The following RCBTB2 variants were observed in gnomAD, a reference collection of about 807,000 sequenced individuals.
RCBTB2 encodes the protein RCC1 and BTB domain containing protein 2.
A neutral mutation model predicts 65.4 loss-of-function variants in RCBTB2; 55 were observed. The ratio of observed to expected loss-of-function variants is 0.84; its 90% CI spans 0.68 to 1.05. The LOEUF is 1.05. Ranked by LOEUF, RCBTB2 falls within the 50% of genes least tolerant of loss-of-function variation. The pLI, the probability that RCBTB2 is intolerant of heterozygous loss-of-function variation, is 0.00. For synonymous variants in RCBTB2, 220 were observed against 255.2 expected (o/e 0.86, Z 1.31); for missense variants, 599 against 680.1 (o/e 0.88, Z 1.33).
chr13:48,502,760 C>T lies in RCBTB2; in HGVS notation c.1081G>A (p.Ala361Thr). The change falls in exon 11 of 15, where the codon GCC (alanine) becomes ACC (threonine). Residue 361 changes from alanine (A) to threonine (T), a missense_variant. Transcript: ENST00000344532. ...SCTDDVFACF[A>T]TPAVTWRLLS... is the part of the protein sequence containing the mutation. ...AGGCGCCACGTGACGGCGGGCGTGG[C>T]AAAGCAGGCAAACACGTCGTCAGTG... 1 of 1,613,328 alleles carries T rather than the reference C, an allele frequency of 6.2e-7. No individual in the cohort carries two copies. Among genetic ancestry groups the T allele is most frequent in the Non-Finnish European group, 8.5e-7 (1 of 1,179,510 alleles).
intron 10 of RCBTB2, among the ~76,000 whole-genome samples, chr13:48,508,311 T>G (rs7984753): frequency 0.011 from 1,695 of 152,320 alleles, 24 homozygotes; most frequent in African/African-American, 0.039. Context: ...CGCCCGTGAT[T>G]GAGTGCCTGG....
rs1191872040 is a variant in RCBTB2 at position 48,511,806 on chromosome 13, G to A, written c.747C>T (p.Cys249=). ...LGNSGNQPTP[C]RVAALQGIRV... ...GGATGCCTTGCAAAGCTGCCACTCT[G>A]CAAGGGGTTGGCTGGTTGCCACTGT... Residue 249 remains cysteine (C), a synonymous_variant, in exon 9 of 15, where the codon TGC becomes TGT. Coordinates refer to ENST00000344532, the MANE Select transcript of RCBTB2 (RefSeq NM_001268.4). The A allele has an allele frequency of 1.2e-6, 2 of 1,614,060 alleles. No homozygotes were observed. The highest frequency in any genetic ancestry group is 2.7e-5 in the African/African-American group (2 of 74,918).
chr13:48,496,045 A>T (rs1949951296), intron 14 of RCBTB2, 146 bp downstream of exon 14: 1 of 611,078 alleles, frequency 1.6e-6, no homozygotes, highest in African/African-American at 1.9e-5. Context: ...ACTTGCTTAT[A>T]CGTTGTCTAG....
chr13:48,515,424 G>C, intron 5 of RCBTB2, 69 bp from the exon 6 acceptor site: 1 of 1,490,688 alleles, frequency 6.7e-7, no homozygotes, highest in South Asian at 1.2e-5. Flanking sequence ...CATCCAAACA[G>C]GAATCATCTT....
At chr13:48,512,277 C>A (rs554013845) in intron 7 of RCBTB2, 103 bp from the exon 8 acceptor site, 7 of 961,638 alleles carry the variant, frequency 7.3e-6, no homozygotes, top group Middle Eastern at 2.5e-4. Flanking sequence ...TCTCAAAGTG[C>A]TTCACATTCA....
At chr13:48,523,655 GAGAGA>G (rs367772205) in intron 2 of RCBTB2, among the ~76,000 whole-genome samples, 9 of 152,232 alleles carry the variant, frequency 5.9e-5, no homozygotes, top group African/African-American at 2.2e-4. Flanking sequence ...AAGAAAGAGG[GAGAGA>G]AGAGAAAAAA....
chr13:48,489,146 A>T lies in RCBTB2; in HGVS notation c.*965T>A, dbSNP rs1353901972. ...GGTAATTTGTTTTGATCTAAAAAGTACAAATTTATCTCATTCTTGTTAATG... is the reference window on the plus strand; with the variant it reads ...GGTAATTTGTTTTGATCTAAAAAGTTCAAATTTATCTCATTCTTGTTAATG... On this transcript the variant is annotated 3_prime_UTR_variant, in exon 15 of 15. Coordinates refer to ENST00000344532, the MANE Select transcript of RCBTB2 (RefSeq NM_001268.4). 1 of 152,230 alleles carries T rather than the reference A, an allele frequency of 6.6e-6. No homozygotes were observed. Among genetic ancestry groups the T allele is most frequent in the African/African-American group, 2.4e-5 (1 of 41,460 alleles). The allele number at this position is 152,230 out of a possible 1,614,324, so 9.4% of individuals were successfully genotyped here.
intron 10 of RCBTB2, among the ~76,000 whole-genome samples, chr13:48,509,161 TG>T (rs1238921828): frequency 6.6e-6 from 1 of 152,022 alleles, no homozygotes; most frequent in Admixed American, 6.6e-5. Flanking sequence ...ACCCTGGCCC[TG>T]CAAAAAACAC....
chr13:48,510,883 G>A lies in RCBTB2; in HGVS notation c.784-112C>T, dbSNP rs73479235. The A allele has an allele frequency of 1.0e-3, 1,059 of 1,054,174 alleles. 3 individuals are homozygous for A. In the African/African-American group the frequency reaches 0.015, roughly 15 times the overall value. 65.3% of individuals were successfully genotyped at this position (1,054,174 alleles called of 1,614,324 possible). ...AAAAAAAGGAAGAGGCAGCCTACCC[G>A]TAGGAGAGGCAAGCATTAAGTTAAC... On this transcript the variant is annotated intron_variant, in intron 9 of 14. Coordinates refer to ENST00000344532, the MANE Select transcript of RCBTB2 (RefSeq NM_001268.4).
intron 10 of RCBTB2, among the ~76,000 whole-genome samples, chr13:48,510,128 C>G: frequency 6.6e-6 from 1 of 152,182 alleles, no homozygotes; most frequent in East Asian, 1.9e-4. Flanking sequence ...AATTTCCTAA[C>G]CATTTTACTC....
At chr13:48,509,481 C>T (rs1186455814) in intron 10 of RCBTB2, among the ~76,000 whole-genome samples, 2 of 152,152 alleles carry the variant, frequency 1.3e-5, no homozygotes, top group Non-Finnish European at 2.9e-5. Context: ...TCAGGACTGT[C>T]CCTTCTCTTC....
chr13:48,527,317 G>T (rs1951797708), intron 1 of RCBTB2, among the ~76,000 whole-genome samples: 1 of 65,960 alleles, frequency 1.5e-5, no homozygotes, highest in Admixed American at 1.3e-4. Context: ...ATATGACTTG[G>T]CTCATATATA....
intron 6 of RCBTB2, among the ~76,000 whole-genome samples, 170 bp downstream of exon 6, chr13:48,515,035 A>G (rs1951005640): frequency 6.6e-6 from 1 of 152,226 alleles, no homozygotes; most frequent in African/African-American, 2.4e-5. Flanking sequence ...TGATTCCTAG[A>G]TTCCATCTGC....
chr13:48,530,009 G>T (rs1377226263), intron 1 of RCBTB2, among the ~76,000 whole-genome samples: 1 of 152,014 alleles, frequency 6.6e-6, no homozygotes, highest in Non-Finnish European at 1.5e-5. Flanking sequence ...TCACACTACA[G>T]CCTCCCAAGT....
At chr13:48,529,680 C>T (rs1343403749) in intron 1 of RCBTB2, among the ~76,000 whole-genome samples, 1 of 152,174 alleles carries the variant, frequency 6.6e-6, no homozygotes, top group African/African-American at 2.4e-5. Context: ...TCCTTCCAGA[C>T]AATGAAAGCT....
At chr13:48,500,832 C>A (rs1353133861) in intron 12 of RCBTB2, among the ~76,000 whole-genome samples, 5 of 152,140 alleles carry the variant, frequency 3.3e-5, no homozygotes, top group Admixed American at 3.3e-4. Context: ...AACAAATCCA[C>A]CCCCCTTCTT....
At chr13:48,494,018 G>A (rs1045729568) in intron 14 of RCBTB2, among the ~76,000 whole-genome samples, 5 of 152,212 alleles carry the variant, frequency 3.3e-5, no homozygotes, top group East Asian at 1.9e-4. Flanking sequence ...TTAAACATGC[G>A]GTTTTAAAAT....
chr13:48,527,037 T>C (rs1276120667), intron 1 of RCBTB2, among the ~76,000 whole-genome samples: 1 of 151,962 alleles, frequency 6.6e-6, no homozygotes, highest in East Asian at 1.9e-4. Context: ...AAATGTTTAA[T>C]ATCAGTGTAT....
In RCBTB2 at chr13:48,502,850, C is replaced by T. The variant is rs371439325; in HGVS notation, c.991G>A (p.Val331Met). ...CCCCGGCACTGGCCCCACATGTACA[C>T]GTGCCCACCCTGCGTCTTGGCCGCA... ...TSAAKTQGGH[V>M]YMWGQCRGQS... The change falls in exon 11 of 15, where the codon GTG becomes ATG. Residue 331 changes from valine (V) to methionine (M), a missense_variant. Coordinates refer to ENST00000344532, the MANE Select transcript of RCBTB2 (RefSeq NM_001268.4). 1.1e-5 allele frequency: 17 copies of T among 1,614,082 alleles called. No homozygotes were observed. Among genetic ancestry groups the T allele is most frequent in the Non-Finnish European group, 1.2e-5 (14 of 1,180,028 alleles).
Sources: allele counts gnomAD v4.1 joint callset (sites outside exome capture counted in the v4.1 genomes callset), GRCh38; gene constraint gnomAD v4.1.1; transcripts MANE v1.5; gene names NCBI Gene and HGNC (gene_info 2026-07-23, HGNC 2026-07-21).